Variants in PMEPA1 observed in about 807,000 individuals in gnomAD.
The protein encoded by PMEPA1 is prostate transmembrane protein, androgen induced 1, also known as protein TMEPAI.
A neutral mutation model predicts 23.0 loss-of-function variants in PMEPA1; 11 were observed. That is an observed-to-expected ratio of 0.48 (90% CI 0.30 to 0.79). PMEPA1 has a LOEUF of 0.79. PMEPA1 is among the 30% of genes least tolerant of loss of function. PMEPA1 has a pLI of 0.06. For missense variants in PMEPA1, 377 were observed against 390.9 expected (o/e 0.96, Z 0.30); for synonymous variants, 204 against 166.4 (o/e 1.23, Z -1.74).
chr20:57,702,179 C>T (rs2072020383), intron 1 of PMEPA1, among the ~76,000 whole-genome samples: 1 of 152,204 alleles, frequency 6.6e-6, no homozygotes, highest in South Asian at 2.1e-4. Flanking sequence ...TTCTGCGGCC[C>T]TGGGAACAGC....
At chr20:57,693,742 G>C (rs184941972) in intron 1 of PMEPA1, among the ~76,000 whole-genome samples, 9 of 152,240 alleles carry the variant, frequency 5.9e-5, no homozygotes, top group African/African-American at 1.9e-4. Context: ...GGAACATCGA[G>C]ATCTTGGTTA....
At chr20:57,703,054 C>T (rs1370896006) in intron 1 of PMEPA1, among the ~76,000 whole-genome samples, 1 of 152,218 alleles carries the variant, frequency 6.6e-6, no homozygotes, top group Non-Finnish European at 1.5e-5. Context: ...AAGACCCTGA[C>T]GAGACCCCTG....
chr20:57,673,441 C>T (rs981010251), intron 1 of PMEPA1, among the ~76,000 whole-genome samples: 1 of 152,196 alleles, frequency 6.6e-6, no homozygotes, highest in African/African-American at 2.4e-5. Context: ...TGTCTTGCTG[C>T]CATCGTTGGT....
chr20:57,659,081 C>T (rs1332572598), intron 2 of PMEPA1, among the ~76,000 whole-genome samples: 1 of 152,206 alleles, frequency 6.6e-6, no homozygotes, highest in Non-Finnish European at 1.5e-5. Context: ...CTTGTGAGCC[C>T]AGCCCTGCCT....
At position 57,651,962 on chromosome 20, in the gene PMEPA1, GC is replaced by G. The variant is rs1477226719; in HGVS notation, c.*90del. 8 of 1,112,908 alleles carry G rather than the reference GC, an allele frequency of 7.2e-6. No individual in the cohort carries two copies. The highest frequency in any genetic ancestry group is 1.8e-5 in the South Asian group (1 of 55,066). The allele number at this position is 1,112,908 out of a possible 1,614,324, so 68.9% of individuals were successfully genotyped here. A position where few individuals can be genotyped will look rare whatever the true frequency, so the allele number is the denominator to read the frequency against. On this transcript the variant is annotated 3_prime_UTR_variant, in exon 4 of 4. Coordinates refer to ENST00000341744, the MANE Select transcript of PMEPA1 (RefSeq NM_020182.5). ...GGAGGGCCACACGATGCGTTGCTGCGCCCCCCGCCTTCCTCTCACTCCTCTT... is the reference window on the plus strand; with the variant it reads ...GGAGGGCCACACGATGCGTTGCTGCGCCCCCGCCTTCCTCTCACTCCTCTT...
intron 1 of PMEPA1, among the ~76,000 whole-genome samples, chr20:57,669,325 T>C (rs1173944084): frequency 2.0e-5 from 3 of 152,138 alleles, no homozygotes; most frequent in Non-Finnish European, 4.4e-5. Flanking sequence ...CACGCCCAGC[T>C]AATTTTTGTA....
At chr20:57,703,817 C>T (rs1234608587) in intron 1 of PMEPA1, among the ~76,000 whole-genome samples, 1 of 152,182 alleles carries the variant, frequency 6.6e-6, no homozygotes, top group Non-Finnish European at 1.5e-5. Flanking sequence ...CGAGTCCAAT[C>T]CGCCCCACCA....
chr20:57,651,851 T>G lies in PMEPA1; in HGVS notation c.*202A>C. 2.6e-6 allele frequency: 1 copy of G among 383,490 alleles called. No homozygotes were observed. The highest frequency in any genetic ancestry group is 4.4e-6 in the Non-Finnish European group (1 of 225,012). The allele number at this position is 383,490 out of a possible 1,614,324, so 23.8% of individuals were successfully genotyped here. A position where few individuals can be genotyped will look rare whatever the true frequency, so the allele number is the denominator to read the frequency against. On this transcript the variant is annotated 3_prime_UTR_variant, in exon 4 of 4. Coordinates refer to ENST00000341744, the MANE Select transcript of PMEPA1 (RefSeq NM_020182.5). ...AGAAACGTGGTTTTTTTTTTTCTTT[T>G]TTCTTTTTTTTTTTGCAAGCTCTCT... is the stretch of plus-strand genomic sequence containing the variant.
chr20:57,709,556 G>A lies in PMEPA1; in HGVS notation c.27C>T (p.Ser9=). 4.6e-6 allele frequency: 5 copies of A among 1,089,786 alleles called. No individual in the cohort carries two copies. The highest frequency in any genetic ancestry group is 5.7e-6 in the Non-Finnish European group (5 of 880,180). The allele number at this position is 1,089,786 out of a possible 1,614,324, so 67.5% of individuals were successfully genotyped here. A position where few individuals can be genotyped will look rare whatever the true frequency, so the allele number is the denominator to read the frequency against. Residue 9 remains serine (S), a synonymous_variant, in exon 1 of 4, where the codon AGC becomes AGT. Coordinates refer to ENST00000341744, the MANE Select transcript of PMEPA1 (RefSeq NM_020182.5). ...GCTGCCCGGCGGCGGCGGCGGCGGTGCTGTTGACCCCCATCAAGCGGTGCA... is the reference window on the plus strand; with the variant it reads ...GCTGCCCGGCGGCGGCGGCGGCGGTACTGTTGACCCCCATCAAGCGGTGCA... MHRLMGVN[S]TAAAAAGQPN...
rs540182678 is a variant in PMEPA1, at chr20:57,682,808, G to A, written c.110-23111C>T. Reference sequence around the variant, plus strand: ...TGCCTGGGAGCTGGGCTTTCTGCATGAGCAGGCCCCGCTGAAAAGGAAGGC... The same window carrying A: ...TGCCTGGGAGCTGGGCTTTCTGCATAAGCAGGCCCCGCTGAAAAGGAAGGC... On this transcript the variant is annotated intron_variant, in intron 1 of 3. Coordinates refer to ENST00000341744, the MANE Select transcript of PMEPA1 (RefSeq NM_020182.5). The surrounding 1 kb of genome is among the most constrained non-coding windows in gnomAD (Gnocchi z 4.4). Among the ~76,000 whole-genome samples the A allele has an allele frequency of 6.6e-6, 1 of 152,256 alleles. No individual in the cohort carries two copies. Among genetic ancestry groups the A allele is most frequent in the Non-Finnish European group, 1.5e-5 (1 of 68,046 alleles).
intron 1 of PMEPA1, among the ~76,000 whole-genome samples, chr20:57,693,082 C>A (rs986352088): frequency 6.6e-6 from 1 of 152,194 alleles, no homozygotes; most frequent in Non-Finnish European, 1.5e-5. Flanking sequence ...GTGAGCAGGC[C>A]GGGAGTGGCC....
intron 1 of PMEPA1, among the ~76,000 whole-genome samples, chr20:57,685,014 G>A (rs1201301702): frequency 6.6e-6 from 1 of 152,080 alleles, no homozygotes; most frequent in Non-Finnish European, 1.5e-5. Flanking sequence ...AGGAGAGGAA[G>A]AATGGCTGAG....
intron 1 of PMEPA1, among the ~76,000 whole-genome samples, chr20:57,708,960 C>T (rs1371320088): frequency 2.0e-5 from 3 of 151,996 alleles, no homozygotes; most frequent in Admixed American, 6.5e-5. Flanking sequence ...GACAGAGCCA[C>T]GCAGCCACGC....
At chr20:57,673,909 A>C (rs1409461952) in intron 1 of PMEPA1, among the ~76,000 whole-genome samples, 1 of 152,146 alleles carries the variant, frequency 6.6e-6, no homozygotes, top group Non-Finnish European at 1.5e-5. Flanking sequence ...TTCAGACCCC[A>C]AGAGCAAATG....
chr20:57,697,072 C>T lies in PMEPA1; in HGVS notation c.109+12402G>A, dbSNP rs192161513. Reference sequence around the variant, plus strand: ...GGCTGGGCCATCTACAGATGGGGAACGTCCTTAGAACTCATGGAAGGAACT... The same window carrying T: ...GGCTGGGCCATCTACAGATGGGGAATGTCCTTAGAACTCATGGAAGGAACT... On this transcript the variant is annotated intron_variant, in intron 1 of 3. Transcript: ENST00000341744. 1.6e-3 allele frequency among the ~76,000 whole-genome samples: 247 copies of T among 152,274 alleles called. 1 individual carries two copies. Among genetic ancestry groups the T allele is most frequent in the Non-Finnish European group, 2.4e-3 (160 of 68,010 alleles).
At chr20:57,699,906 G>C in intron 1 of PMEPA1, 2 of 398,110 alleles carry the variant, frequency 5.0e-6, no homozygotes, top group South Asian at 3.7e-5. Context: ...CGGCCTCGGC[G>C]GTTGGAACGC....
chr20:57,710,637 T>G, upstream of PMEPA1: 1 of 593,202 alleles, frequency 1.7e-6, no homozygotes, highest in Admixed American at 3.4e-5. Flanking sequence ...CGGGGACTGG[T>G]GTATTGTCGC....
In PMEPA1 at chr20:57,652,465, G is replaced by A. The variant is rs760515530; in HGVS notation, c.452C>T (p.Ser151Leu). The change falls in exon 4 of 4, where the codon TCG (serine) becomes TTG (leucine). Residue 151 changes from serine to leucine, a missense_variant. Around this residue, in one of 3 missense-constraint regions of PMEPA1, gnomAD observed 3 missense variants for 21.6 expected, o/e 0.14. Transcript: ENST00000341744. This position sits in a 1 kb window ranked among gnomAD's most constrained non-coding sequence, Gnocchi z 6.1. Reference sequence around the variant, plus strand: ...TGGGGGCTCCTCCCCGTCTGACAGCGAGATGGTGGGTGGCAGGTCGATCTC... The same window carrying A: ...TGGGGGCTCCTCCCCGTCTGACAGCAAGATGGTGGGTGGCAGGTCGATCTC... Reference protein sequence around the residue: ...QHEIDLPPTISLSDGEEPPPY... With the variant: ...QHEIDLPPTILLSDGEEPPPY... 4 of 1,611,860 alleles carry A rather than the reference G, an allele frequency of 2.5e-6. No individual in the cohort carries two copies. Among genetic ancestry groups the A allele is most frequent in the African/African-American group, 1.3e-5 (1 of 74,994 alleles).
intron 1 of PMEPA1, among the ~76,000 whole-genome samples, chr20:57,688,071 TCTCGGGACGGCCTCAGCTCAGCCTCCGC>T (rs1395572965): frequency 1.3e-4 from 20 of 152,246 alleles, no homozygotes; most frequent in Middle Eastern, 3.4e-3. Context: ...TCTGCCCTCA[TCTCGGGACGGCCTCAGCTCAGCCTCCGC>T]CTCGGGACGG....
Sources: gnomAD v4.1 joint callset for allele counts (sites outside exome capture counted in the v4.1 genomes callset) on GRCh38, gnomAD v4.1.1 for gene constraint, gnomAD v4.1.1 regional missense constraint, Gnocchi (gnomAD v3.1) non-coding constraint, MANE v1.5 for transcripts, NCBI Gene and HGNC (gene_info 2026-07-23, HGNC 2026-07-21) for gene names.